Variants in CYP2F1 observed in about 807,000 individuals in gnomAD.
CYP2F1 encodes cytochrome P450 family 2 subfamily F member 1, also known as cytochrome P450 2F1.
Under a neutral mutation model 40.4 loss-of-function variants are expected in CYP2F1, and 33 were observed. That is an observed-to-expected ratio of 0.82 (90% confidence interval 0.62 to 1.09). CYP2F1 has a LOEUF of 1.09. Ranked by LOEUF, CYP2F1 falls within the 50% of genes least tolerant of loss-of-function variation. The pLI, the probability that CYP2F1 is intolerant of heterozygous loss-of-function variation, is 0.00. For missense variants in CYP2F1, 566 were observed against 655.7 expected, an observed-to-expected ratio of 0.86 and a Z score of 1.49; for synonymous variants, 235 against 277.2, an observed-to-expected ratio of 0.85 and a Z score of 1.51.
At chr19:41,118,511 C>G (rs11670500) in intron 3 of CYP2F1, among the ~76,000 whole-genome samples, 2,948 of 151,510 alleles carry the variant, frequency 0.019, 92 homozygotes, top group African/African-American at 0.065. Context: ...ATTAGGTACA[C>G]GTTCCATCCT....
chr19:41,116,222 C>A lies in CYP2F1; in HGVS notation c.34C>A (p.Leu12Ile). The change falls in exon 2 of 10, where the codon CTC becomes ATC. Residue 12 changes from leucine (L) to isoleucine (I), a missense_variant. Transcript: ENST00000331105. The stretch of plus-strand genomic sequence containing the variant: ...CATAAGCACAGCCATCTTACTCCTG[C>A]TCCTGGCTCTCGTCTGTCTGCTCCT... ...DSISTAILLLLLALVCLLLTL... is the reference protein window; with the variant it reads ...DSISTAILLLILALVCLLLTL... The A allele has an allele frequency of 1.2e-6, 2 of 1,614,028 alleles. No homozygotes were observed. Among genetic ancestry groups the A allele is most frequent in the Non-Finnish European group, 1.7e-6 (2 of 1,179,956 alleles).
At chr19:41,124,068 C>A (rs548043736) in intron 7 of CYP2F1, among the ~76,000 whole-genome samples, 3 of 151,980 alleles carry the variant, frequency 2.0e-5, no homozygotes, top group Non-Finnish European at 2.9e-5. Flanking sequence ...CTCGACCTAC[C>A]GTCCAGCCAG....
At chr19:41,118,858 T>C (rs2031973069) in intron 3 of CYP2F1, among the ~76,000 whole-genome samples, 1 of 152,226 alleles carries the variant, frequency 6.6e-6, no homozygotes, top group African/African-American at 2.4e-5. Context: ...ATGCAGGCAA[T>C]ACACTATAGT....
In CYP2F1 at chr19:41,125,248, C is replaced by G; in HGVS notation, c.1153-245C>G. 3 of 633,404 alleles carry G rather than the reference C, an allele frequency of 4.7e-6. No individual in the cohort carries two copies. The South Asian group carries it at 6.9e-5, about 15-fold the overall frequency. 39.2% of individuals were successfully genotyped at this position (633,404 alleles called of 1,614,324 possible). The stretch of plus-strand genomic sequence containing the variant: ...CTCCTTTTCCCCAGAAACCCCACAT[C>G]TGTTCCCACAAAGGTTGGGGGTTTC... On this transcript the variant is annotated intron_variant, in intron 8 of 9. Coordinates refer to ENST00000331105, the MANE Select transcript of CYP2F1 (RefSeq NM_000774.5).
intron 9 of CYP2F1, among the ~76,000 whole-genome samples, chr19:41,127,194 A>T (rs1427808987): frequency 6.6e-6 from 1 of 152,162 alleles, no homozygotes. Flanking sequence ...AGATAATACT[A>T]AGGCCTGCCT....
At chr19:41,119,726 T>TAG (rs2032050600) in intron 3 of CYP2F1, among the ~76,000 whole-genome samples, 1 of 38,336 alleles carries the variant, frequency 2.6e-5, no homozygotes, top group Admixed American at 3.1e-4. Context: ...TCTCTCTCTA[T>TAG]ATATATATAT....
Position 41,124,920 on chromosome 19 carries a change from G to C in CYP2F1, c.1152+14G>C. ...CTGATACCCAAGGTGCGCTAGGCCT[G>C]GCAAACGACATCAGGCAACCTAAGA... On this transcript the variant is annotated intron_variant, in intron 8 of 9. Coordinates refer to ENST00000331105, the MANE Select transcript of CYP2F1 (RefSeq NM_000774.5). The C allele has an allele frequency of 6.3e-7, 1 of 1,587,624 alleles. No homozygotes were observed. The highest frequency in any genetic ancestry group is 8.6e-7 in the Non-Finnish European group (1 of 1,168,268).
At position 41,117,842 on chromosome 19, in the gene CYP2F1, A is replaced by G. The variant is rs962068956; in HGVS notation, c.334+1225A>G. On this transcript the variant is annotated intron_variant, in intron 3 of 9. Coordinates refer to ENST00000331105, the MANE Select transcript of CYP2F1 (RefSeq NM_000774.5). ...TGTGGTCTTCAAACTTTATTTATTT[A>G]TTTATTTATTTATTTATTTATTTTT... Among the ~76,000 whole-genome samples, 5 of 151,532 alleles carry G rather than the reference A, an allele frequency of 3.3e-5. No homozygotes were observed. In the East Asian group the frequency reaches 9.7e-4, roughly 29 times the overall value.
intron 7 of CYP2F1, 54 bp downstream of exon 7, chr19:41,123,017 C>G: frequency 6.4e-7 from 1 of 1,572,704 alleles, no homozygotes; most frequent in Non-Finnish European, 8.6e-7. Flanking sequence ...CAGCCTCACC[C>G]CAGAGCAGGG....
chr19:41,120,530 G>T (rs747528022), intron 4 of CYP2F1, 34 bp downstream of exon 4: 65 of 1,587,258 alleles, frequency 4.1e-5, no homozygotes, highest in Non-Finnish European at 5.1e-5. Flanking sequence ...TGGATGGCAC[G>T]ATCTTTTTTT....
chr19:41,124,414 C>T lies in CYP2F1; in HGVS notation c.965-305C>T, dbSNP rs375729783. On this transcript the variant is annotated intron_variant, in intron 7 of 9. Coordinates refer to ENST00000331105, the MANE Select transcript of CYP2F1 (RefSeq NM_000774.5). Reference sequence around the variant, plus strand: ...AAGCAGCTGGGACCACAGGTGTGCGCCACCAAGCCCAGCTAATTTTTCTAT... The same window carrying T: ...AAGCAGCTGGGACCACAGGTGTGCGTCACCAAGCCCAGCTAATTTTTCTAT... Among the ~76,000 whole-genome samples, 7 of 152,046 alleles carry T rather than the reference C, an allele frequency of 4.6e-5. No individual in the cohort carries two copies. In the South Asian group the frequency reaches 1.5e-3, roughly 32 times the overall value.
intron 1 of CYP2F1, among the ~76,000 whole-genome samples, 199 bp from the exon 2 acceptor site, chr19:41,115,979 T>C (rs1211269752): frequency 2.0e-5 from 3 of 152,134 alleles, no homozygotes; most frequent in Non-Finnish European, 4.4e-5. Context: ...TCTGTGTTTC[T>C]GTCTCCTTAT....
At chr19:41,120,618 A>G (rs1386462878) in intron 4 of CYP2F1, 122 bp downstream of exon 4, 5 of 1,070,954 alleles carry the variant, frequency 4.7e-6, no homozygotes, top group Non-Finnish European at 5.5e-6. Flanking sequence ...AATAGCTGGT[A>G]CTTCAGGTGT....
chr19:41,125,023 C>T, intron 8 of CYP2F1, 117 bp downstream of exon 8: 1 of 856,464 alleles, frequency 1.2e-6, no homozygotes, highest in Non-Finnish European at 1.7e-6. Flanking sequence ...TAGCAACTGG[C>T]ATCCCAAGCC....
In CYP2F1 at chr19:41,124,715, C is replaced by A; in HGVS notation, c.965-4C>A. On this transcript the variant is annotated splice_polypyrimidine_tract_variant and splice_region_variant and intron_variant, in intron 7 of 9. Transcript: ENST00000331105. ...CTCGACCCCGCTTCCCGCTTCCTCT[C>A]CAGCCCGCGTGCAGGAGGAGATCGA... The A allele has an allele frequency of 6.3e-7, 1 of 1,599,494 alleles. No homozygotes were observed. The highest frequency in any genetic ancestry group is 2.2e-5 in the East Asian group (1 of 44,764).
At chr19:41,114,788 C>G (rs10439103) in intron 1 of CYP2F1, among the ~76,000 whole-genome samples, 13 of 100,000 alleles carry the variant, frequency 1.3e-4, no homozygotes, top group African/African-American at 5.7e-4. Flanking sequence ...CTCTCTCTCT[C>G]TTTTTTTTTT....
chr19:41,119,523 T>G (rs981036202), intron 3 of CYP2F1, among the ~76,000 whole-genome samples: 1 of 151,130 alleles, frequency 6.6e-6, no homozygotes, highest in Non-Finnish European at 1.5e-5. Flanking sequence ...CCAAGACGGG[T>G]GGATCACGAG....
chr19:41,124,601 C>T lies in CYP2F1; in HGVS notation c.965-118C>T, dbSNP rs1169355488. 3.2e-6 allele frequency: 3 copies of T among 950,534 alleles called. No individual in the cohort carries two copies. In the African/African-American group the frequency reaches 5.0e-5, roughly 16 times the overall value. 58.9% of individuals were successfully genotyped at this position (950,534 alleles called of 1,614,324 possible). ...TCTCACGTGCGCCCCAGCAGTGGCG[C>T]CCCGCGCTGGGAGACTTTGACTAGA... On this transcript the variant is annotated intron_variant, in intron 7 of 9. Transcript: ENST00000331105.
chr19:41,124,245 T>TTTCCCC (rs374387876), intron 7 of CYP2F1, among the ~76,000 whole-genome samples: 1 of 29,824 alleles, frequency 3.4e-5, no homozygotes, highest in African/African-American at 1.7e-4. Flanking sequence ...TTTTTCCTCT[T>TTTCCCC]CCCCCCCCCC....
Sources: gnomAD v4.1 joint callset for allele counts (sites outside exome capture counted in the v4.1 genomes callset) on GRCh38, gnomAD v4.1.1 for gene constraint, MANE v1.5 for transcripts, NCBI Gene and HGNC (gene_info 2026-07-23, HGNC 2026-07-21) for gene names.